Variants in FMN1 observed in about 807,000 individuals in gnomAD.
FMN1 encodes the protein formin-1.
A neutral mutation model predicts 132.4 loss-of-function variants in FMN1; 110 were observed. The ratio of observed to expected loss-of-function variants is 0.83; its 90% CI spans 0.71 to 0.97. The LOEUF (loss-of-function observed/expected upper bound fraction) is 0.97. Among genes scored for constraint, FMN1 ranks in the 50% least tolerant of loss-of-function variants. The pLI is 0.00. For missense variants in FMN1, 1,792 were observed against 1,705.3 expected (o/e 1.05, Z -0.90); for synonymous variants, 722 against 651.7 (o/e 1.11, Z -1.64).
intron 10 of FMN1, among the ~76,000 whole-genome samples, chr15:32,917,577 G>A (rs1330328775): frequency 6.6e-6 from 1 of 152,146 alleles, no homozygotes; most frequent in Non-Finnish European, 1.5e-5. Context: ...TATGAGGCGG[G>A]TGCGTTTGTT....
At chr15:33,012,267 A>G (rs1288712092) in intron 6 of FMN1, 2 of 728,700 alleles carry the variant, frequency 2.7e-6, no homozygotes, top group African/African-American at 3.4e-5. Context: ...TGAGATCCAA[A>G]CACCAGGTAT....
At chr15:33,025,924 A>G (rs367641143) in intron 6 of FMN1, among the ~76,000 whole-genome samples, 1 of 152,194 alleles carries the variant, frequency 6.6e-6, no homozygotes, top group East Asian at 1.9e-4. Flanking sequence ...CATTACCCAC[A>G]TTTTCCTACA....
In FMN1 at chr15:32,925,719, A is replaced by G. The variant is rs557121276; in HGVS notation, c.3226+455T>C. On this transcript the variant is annotated intron_variant, in intron 10 of 20. Transcript: ENST00000616417. Reference sequence around the variant, plus strand: ...GTGATGATACTGAGTAACTACGATTAATGTCTTTGAAGGAAGGATAATGGC... The same window carrying G: ...GTGATGATACTGAGTAACTACGATTGATGTCTTTGAAGGAAGGATAATGGC... 9.8e-5 allele frequency among the ~76,000 whole-genome samples: 15 copies of G among 152,288 alleles called. No individual in the cohort carries two copies. The East Asian group carries it at 2.7e-3, about 27-fold the overall frequency.
chr15:33,025,997 T>TA (rs2035647284), intron 6 of FMN1, among the ~76,000 whole-genome samples: 1 of 152,002 alleles, frequency 6.6e-6, no homozygotes, highest in South Asian at 2.1e-4. Flanking sequence ...AAAGAAGAGA[T>TA]AAAACTGGTA....
intron 5 of FMN1, among the ~76,000 whole-genome samples, chr15:33,088,420 G>A (rs1305511002): frequency 6.6e-6 from 1 of 152,190 alleles, no homozygotes; most frequent in Non-Finnish European, 1.5e-5. Context: ...TTTCACTTGA[G>A]AATCCAGAGC....
chr15:32,924,228 C>T (rs2060902198), intron 10 of FMN1, among the ~76,000 whole-genome samples: 2 of 152,192 alleles, frequency 1.3e-5, no homozygotes, highest in Admixed American at 1.3e-4. Context: ...GCCAAACTCA[C>T]TGTATCTGAG....
chr15:33,086,255 TAAA>T (rs552991552), intron 5 of FMN1, among the ~76,000 whole-genome samples: 2 of 85,238 alleles, frequency 2.3e-5, no homozygotes. Context: ...CATCTCAAAT[TAAA>T]AAAAAAAAAA....
At chr15:32,802,350 T>C (rs2057508450) in intron 18 of FMN1, among the ~76,000 whole-genome samples, 1 of 152,232 alleles carries the variant, frequency 6.6e-6, no homozygotes, top group Non-Finnish European at 1.5e-5. Context: ...ATCCACTTAT[T>C]GTCTTACATG....
intron 5 of FMN1, among the ~76,000 whole-genome samples, chr15:33,088,041 G>C (rs1187091114): frequency 6.6e-6 from 1 of 152,040 alleles, no homozygotes; most frequent in African/African-American, 2.4e-5. Flanking sequence ...TGATACAATG[G>C]ACTTTGGGGA....
chr15:33,085,486 G>C (rs2038651889), intron 5 of FMN1, among the ~76,000 whole-genome samples: 1 of 150,646 alleles, frequency 6.6e-6, no homozygotes, highest in Admixed American at 6.6e-5. Flanking sequence ...AATATATACT[G>C]TTTAATTACA....
chr15:32,976,981 G>A (rs141200523), intron 7 of FMN1, among the ~76,000 whole-genome samples: 27 of 152,292 alleles, frequency 1.8e-4, no homozygotes, highest in Non-Finnish European at 2.4e-4. Context: ...TCCCACAGCT[G>A]AAAAATAGTA....
chr15:32,988,049 G>GTTTTTTTT (rs10573409), intron 7 of FMN1, among the ~76,000 whole-genome samples: 12 of 118,162 alleles, frequency 1.0e-4, no homozygotes, highest in Non-Finnish European at 1.4e-4. Flanking sequence ...TGTCTCTCCA[G>GTTTTTTTT]TTTTTTTTTT....
At chr15:32,859,856 T>C (rs1376583546) in intron 16 of FMN1, among the ~76,000 whole-genome samples, 1 of 152,024 alleles carries the variant, frequency 6.6e-6, no homozygotes, top group African/African-American at 2.4e-5. Flanking sequence ...GGCAACACAG[T>C]GAGACCTTGT....
At position 32,770,688 on chromosome 15, in the gene FMN1, C is replaced by T. The variant is rs1246274850; in HGVS notation, c.*3622G>A. The T allele has an allele frequency of 1.2e-4, 18 of 152,160 alleles. 1 individual carries two copies. Among genetic ancestry groups the T allele is most frequent in the Admixed American group, 1.1e-3 (17 of 15,276 alleles). 9.4% of individuals were successfully genotyped at this position (152,160 alleles called of 1,614,324 possible). On this transcript the variant is annotated 3_prime_UTR_variant, in exon 21 of 21. Transcript: ENST00000616417. ...GCTGAGAAGAGGTTTGCAGCTTCTACTGTCCTTGATAGGGGAGGGGAGGGG... is the reference window on the plus strand; with the variant it reads ...GCTGAGAAGAGGTTTGCAGCTTCTATTGTCCTTGATAGGGGAGGGGAGGGG...
chr15:33,122,735 G>C (rs1239606314), intron 4 of FMN1, among the ~76,000 whole-genome samples: 1 of 152,190 alleles, frequency 6.6e-6, no homozygotes, highest in East Asian at 1.9e-4. Context: ...CCTTCAAAAA[G>C]CTAATGATGT....
chr15:32,806,632 G>C lies in FMN1; in HGVS notation c.3929-2300C>G, dbSNP rs115950218. ...AAGTCGGCTCCCTGGCTGTTTGGTG[G>C]CATTACCTCCTCTTTCCCACACCCC... On this transcript the variant is annotated intron_variant, in intron 17 of 20. Coordinates refer to ENST00000616417, the MANE Select transcript of FMN1 (RefSeq NM_001277313.2). 6.5e-3 allele frequency among the ~76,000 whole-genome samples: 985 copies of C among 152,276 alleles called. 12 individuals carry two copies. Among genetic ancestry groups the C allele is most frequent in the African/African-American group, 0.023 (943 of 41,558 alleles).
intron 7 of FMN1, among the ~76,000 whole-genome samples, chr15:32,979,555 C>CAAAAAAAAAAAAAAAAAAAAAAAAAAAAA (rs66993265): frequency 1.7e-5 from 1 of 57,450 alleles, no homozygotes; most frequent in African/African-American, 5.3e-5. Context: ...GACTCTGTCT[C>CAAAAAAAAAAAAAAAAAAAAAAAAAAAAA]AAAAAAAAAA....
At chr15:32,997,986 T>C (rs1475868951) in intron 7 of FMN1, among the ~76,000 whole-genome samples, 1 of 152,202 alleles carries the variant, frequency 6.6e-6, no homozygotes, top group Admixed American at 6.5e-5. Context: ...AGCCTCTTTA[T>C]CCTCTGTACC....
intron 15 of FMN1, among the ~76,000 whole-genome samples, chr15:32,896,787 G>A (rs759222933): frequency 6.6e-6 from 1 of 152,108 alleles, no homozygotes; most frequent in Non-Finnish European, 1.5e-5. Context: ...GTACATATAC[G>A]CATTTTCTTT....
Sources: gnomAD v4.1 joint callset for allele counts (sites outside exome capture counted in the v4.1 genomes callset) on GRCh38, gnomAD v4.1.1 for gene constraint, MANE v1.5 for transcripts, NCBI Gene and HGNC (gene_info 2026-07-23, HGNC 2026-07-21) for gene names.